Variants in ALMS1 observed in about 807,000 individuals in gnomAD.
ALMS1 encodes ALMS1 centrosome and basal body associated protein, also known as centrosome-associated protein ALMS1.
A neutral mutation model predicts 352.2 loss-of-function variants in ALMS1; 271 were observed. That is an observed-to-expected ratio of 0.77 (90% CI 0.70 to 0.85). The LOEUF is 0.85. Among genes scored for constraint, ALMS1 ranks in the 40% least tolerant of loss-of-function variants. The pLI is 0.00. For synonymous variants in ALMS1, 1,865 were observed against 1,761.2 expected (o/e 1.06, Z -1.48); for missense variants, 5,445 against 4,870.7 (o/e 1.12, Z -3.51).
intron 9 of ALMS1, among the ~76,000 whole-genome samples, chr2:73,462,080 A>C (rs2103816346): frequency 6.6e-6 from 1 of 152,100 alleles, no homozygotes; most frequent in African/African-American, 2.4e-5. Flanking sequence ...GCAGGCCAAC[A>C]TTCAGATTCA....
intron 12 of ALMS1, among the ~76,000 whole-genome samples, chr2:73,545,585 T>C (rs1348220786): frequency 6.6e-6 from 1 of 152,194 alleles, no homozygotes; most frequent in Non-Finnish European, 1.5e-5. Context: ...CAAATCAGGG[T>C]TGAGTATACG....
At chr2:73,471,696 T>A (rs190938265) in intron 9 of ALMS1, among the ~76,000 whole-genome samples, 3 of 151,778 alleles carry the variant, frequency 2.0e-5, no homozygotes, top group Non-Finnish European at 2.9e-5. Flanking sequence ...ATGGCTGATA[T>A]CAAAACAAAA....
intron 21 of ALMS1, chr2:73,603,746 G>A: frequency 4.5e-6 from 1 of 221,840 alleles, no homozygotes; most frequent in Non-Finnish European, 9.0e-6. Flanking sequence ...TGTAATCCCA[G>A]CTACTCAGTA....
At chr2:73,413,564 T>A (rs1558635132) in intron 2 of ALMS1, among the ~76,000 whole-genome samples, 1 of 152,194 alleles carries the variant, frequency 6.6e-6, no homozygotes, top group South Asian at 2.1e-4. Flanking sequence ...AGTCCCCCAA[T>A]TTGTAACCAT....
intron 3 of ALMS1, among the ~76,000 whole-genome samples, chr2:73,419,867 T>A (rs747138518): frequency 4.6e-5 from 7 of 152,190 alleles, no homozygotes; most frequent in Non-Finnish European, 8.8e-5. Context: ...TTAAGTACTT[T>A]TAAAATCATT....
At chr2:73,518,673 T>C (rs1188061610) in intron 10 of ALMS1, among the ~76,000 whole-genome samples, 1 of 152,176 alleles carries the variant, frequency 6.6e-6, no homozygotes, top group Non-Finnish European at 1.5e-5. Flanking sequence ...TGATGTGAAA[T>C]GGTATCTCAT....
intron 11 of ALMS1, among the ~76,000 whole-genome samples, chr2:73,526,033 C>G (rs185690055): frequency 1.3e-5 from 2 of 151,954 alleles, no homozygotes; most frequent in Non-Finnish European, 2.9e-5. Flanking sequence ...TTGAAGAGAC[C>G]GTCTTTTTCC....
chr2:73,452,840 A>C lies in ALMS1; in HGVS notation c.6313A>C (p.Ser2105Arg), dbSNP rs573600214. Residue 2105 changes from serine (S) to arginine (R), a missense_variant, in exon 8 of 23, where the codon AGT becomes CGT. Transcript: ENST00000613296. The part of the protein sequence containing the change: ...YFHREKSNIF[S>R]PQELPGSHVT... ...TCACAGAGAGAAATCGAATATTTTC[A>C]GTCCACAGGAATTGCCAGGTAGTCA... The C allele has an allele frequency of 6.8e-6, 11 of 1,613,898 alleles. No individual in the cohort carries two copies. The South Asian group carries it at 9.9e-5, about 14-fold the overall frequency.
Position 73,452,327 on chromosome 2 carries a change from C to T in ALMS1, c.5800C>T (p.Pro1934Ser), listed in dbSNP as rs143859223. ...PGQGDRKTEIPTVPLSYYSRR... is the reference protein window; with the variant it reads ...PGQGDRKTEISTVPLSYYSRR... ...ACAAGGTGACCGGAAGACTGAGATA[C>T]CAACAGTACCTTTAAGTTACTACTC... Residue 1934 changes from proline to serine, a missense_variant, in exon 8 of 23, where the codon CCA becomes TCA. By Grantham distance (74) the Pro-to-Ser change is moderately conservative (BLOSUM62 -1). Coordinates refer to ENST00000613296, the MANE Select transcript of ALMS1 (RefSeq NM_001378454.1). The T allele has an allele frequency of 2.5e-6, 4 of 1,613,986 alleles. No individual in the cohort carries two copies. The African/African-American group carries it at 4.0e-5, about 16-fold the overall frequency.
intron 13 of ALMS1, 34 bp from the exon 14 acceptor site, chr2:73,557,186 C>G (rs756505072): frequency 3.7e-6 from 6 of 1,613,548 alleles, no homozygotes; most frequent in Non-Finnish European, 5.1e-6. Context: ...TATTATCTTT[C>G]CTTTTCTGAA....
intron 9 of ALMS1, among the ~76,000 whole-genome samples, chr2:73,479,907 T>G (rs1672659919): frequency 6.6e-6 from 1 of 152,190 alleles, no homozygotes. Flanking sequence ...TTTATTCTAG[T>G]CATTCTAATA....
chr2:73,499,698 C>T (rs145506390), intron 10 of ALMS1, among the ~76,000 whole-genome samples: 23 of 152,206 alleles, frequency 1.5e-4, no homozygotes, highest in Admixed American at 5.2e-4. Context: ...TCTTCAAAAT[C>T]TCATATTGAA....
intron 9 of ALMS1, among the ~76,000 whole-genome samples, chr2:73,456,068 C>T (rs1672053852): frequency 6.6e-6 from 1 of 152,070 alleles, no homozygotes; most frequent in African/African-American, 2.4e-5. Context: ...AGAATAGCAG[C>T]AAGTAAAAAT....
At chr2:73,465,430 G>C (rs1467264672) in intron 9 of ALMS1, among the ~76,000 whole-genome samples, 3 of 152,126 alleles carry the variant, frequency 2.0e-5, no homozygotes, top group East Asian at 1.9e-4. Context: ...AAACTGGCTA[G>C]CCATATGTAG....
chr2:73,513,460 G>T (rs1673493635), intron 10 of ALMS1, among the ~76,000 whole-genome samples: 1 of 152,082 alleles, frequency 6.6e-6, no homozygotes, highest in Admixed American at 6.5e-5. Flanking sequence ...AAGATGTCAG[G>T]CTACGCCATT....
At chr2:73,485,212 A>G (rs1316974287) in intron 9 of ALMS1, among the ~76,000 whole-genome samples, 2 of 151,958 alleles carry the variant, frequency 1.3e-5, no homozygotes, top group Non-Finnish European at 2.9e-5. Context: ...GGTTTTATCT[A>G]CTTTTGGTCT....
chr2:73,385,794 G>T, upstream of ALMS1: 2 of 623,674 alleles, frequency 3.2e-6, no homozygotes, highest in Admixed American at 2.6e-5. Context: ...GGCCACAACC[G>T]CCAGTCAGGG....
chr2:73,513,470 T>G (rs1442176698), intron 10 of ALMS1, among the ~76,000 whole-genome samples: 1 of 152,186 alleles, frequency 6.6e-6, no homozygotes, highest in Non-Finnish European at 1.5e-5. Context: ...GCTACGCCAT[T>G]TAGACAGCCT....
At chr2:73,594,479 G>T (rs1273099878) in intron 16 of ALMS1, among the ~76,000 whole-genome samples, 1 of 152,186 alleles carries the variant, frequency 6.6e-6, no homozygotes, top group Non-Finnish European at 1.5e-5. Flanking sequence ...TCCTTTGGAA[G>T]TGCAGGATGT....
Sources: allele counts gnomAD v4.1 joint callset (sites outside exome capture counted in the v4.1 genomes callset), GRCh38; gene constraint gnomAD v4.1.1; transcripts MANE v1.5; gene names NCBI Gene and HGNC (gene_info 2026-07-23, HGNC 2026-07-21).